DRC1: variants seen among roughly 807,000 people sequenced by gnomAD.
DRC1 encodes dynein regulatory complex protein 1.
Under a neutral mutation model 98.7 loss-of-function variants are expected in DRC1, and 74 were observed. The observed-to-expected ratio is 0.75, with a 90% CI of 0.62 to 0.91. The LOEUF (loss-of-function observed/expected upper bound fraction) is 0.91. DRC1 is among the 40% of genes least tolerant of loss of function. DRC1 has a pLI of 0.00. For synonymous variants in DRC1, 336 were observed against 334.1 expected (o/e 1.01, Z -0.06); for missense variants, 875 against 886.0 (o/e 0.99, Z 0.16).
At chr2:26,433,018 G>C (rs887481678) in intron 7 of DRC1, among the ~76,000 whole-genome samples, 1 of 152,206 alleles carries the variant, frequency 6.6e-6, no homozygotes, top group African/African-American at 2.4e-5. Flanking sequence ...CTAAGAGCTA[G>C]AACTGTCTAA....
rs368776228 is a variant in DRC1, at chr2:26,428,581, G to T, written c.541-1047G>T. On this transcript the variant is annotated intron_variant, in intron 4 of 16. Coordinates refer to ENST00000288710, the MANE Select transcript of DRC1 (RefSeq NM_145038.5). Reference sequence around the variant, plus strand: ...TGGGAGGCCGAGGCAGGTGGATCACGAGGTCAGGATATCGAGACCATCCTG... The same window carrying T: ...TGGGAGGCCGAGGCAGGTGGATCACTAGGTCAGGATATCGAGACCATCCTG... Among the ~76,000 whole-genome samples, 7 of 152,226 alleles carry T rather than the reference G, an allele frequency of 4.6e-5. No individual in the cohort carries two copies. The South Asian group carries it at 1.5e-3, about 32-fold the overall frequency.
At chr2:26,408,975 C>T (rs886401755) in intron 1 of DRC1, among the ~76,000 whole-genome samples, 4 of 151,964 alleles carry the variant, frequency 2.6e-5, no homozygotes, top group Non-Finnish European at 5.9e-5. Context: ...CTCCATTGCC[C>T]AGGCTGGAGT....
At position 26,440,371 on chromosome 2, in the gene DRC1, A is replaced by G. The variant is rs766148507; in HGVS notation, c.889-7A>G. On this transcript the variant is annotated splice_region_variant and splice_polypyrimidine_tract_variant and intron_variant, in intron 7 of 16. Coordinates refer to ENST00000288710, the MANE Select transcript of DRC1 (RefSeq NM_145038.5). ...TATATATATATATATAGTTTTTTTA[A>G]CTTTAGATTCTTGAGCAGCAGCTTC... 6.3e-7 allele frequency: 1 copy of G among 1,588,140 alleles called. No individual in the cohort carries two copies. Among genetic ancestry groups the G allele is most frequent in the Non-Finnish European group, 8.6e-7 (1 of 1,167,796 alleles).
At chr2:26,433,648 G>A (rs1383387348) in intron 7 of DRC1, among the ~76,000 whole-genome samples, 2 of 152,318 alleles carry the variant, frequency 1.3e-5, no homozygotes, top group South Asian at 4.1e-4. Flanking sequence ...TTAATCCAAT[G>A]TCCAAATATT....
Position 26,444,788 on chromosome 2 carries a change from A to G in DRC1, c.1236A>G (p.Leu412=). The change falls in exon 10 of 17, where the codon CTA becomes CTG. Residue 412 remains leucine, a synonymous_variant. Transcript: ENST00000288710. ...TGAATGAAGAGGAGGCGAAGGACCTAATAGCCAGAGCCTTTGATGTGGACA... is the reference window on the plus strand; with the variant it reads ...TGAATGAAGAGGAGGCGAAGGACCTGATAGCCAGAGCCTTTGATGTGGACA... ...WLMNEEEAKD[L]IARAFDVDRI... 6.2e-7 allele frequency: 1 copy of G among 1,614,192 alleles called. No individual in the cohort carries two copies.
intron 2 of DRC1, among the ~76,000 whole-genome samples, chr2:26,420,153 G>A (rs1296268210): frequency 6.6e-6 from 1 of 152,076 alleles, no homozygotes; most frequent in Non-Finnish European, 1.5e-5. Flanking sequence ...TGGGAGAAGG[G>A]GCAGAAGTGG....
In DRC1 at chr2:26,439,936, T is replaced by TATATATATAC. The variant is rs548209014; in HGVS notation, c.889-441_889-440insTATATATACA. Among the ~76,000 whole-genome samples, 36 of 75,506 alleles carry TATATATATAC rather than the reference T, an allele frequency of 4.8e-4. 2 individuals are homozygous for TATATATATAC. The highest frequency in any genetic ancestry group is 1.2e-3 in the African/African-American group (27 of 23,058). The allele number at this position is 75,506 out of a possible 152,430, so 49.5% of individuals were successfully genotyped here. On this transcript the variant is annotated intron_variant, in intron 7 of 16. Transcript: ENST00000288710. ...ACTAGTGTGTGAATATATATATATA[T>TATATATATAC]ACACACACACATACACACACACACA...
intron 10 of DRC1, among the ~76,000 whole-genome samples, chr2:26,445,531 A>G (rs1426939030): frequency 6.6e-6 from 1 of 152,202 alleles, no homozygotes; most frequent in Admixed American, 6.5e-5. Context: ...AGTTTAAACA[A>G]ATTTGATGTA....
intron 7 of DRC1, among the ~76,000 whole-genome samples, chr2:26,434,518 C>T (rs143454004): frequency 2.6e-5 from 4 of 152,306 alleles, no homozygotes; most frequent in African/African-American, 9.6e-5. Context: ...TTTATTTACA[C>T]TATATTAATT....
chr2:26,420,455 C>T (rs1034953484), intron 2 of DRC1, among the ~76,000 whole-genome samples: 8 of 152,116 alleles, frequency 5.3e-5, no homozygotes, highest in African/African-American at 1.2e-4. Flanking sequence ...TGAGGTTCTT[C>T]GAAAGGCTCC....
intron 8 of DRC1, among the ~76,000 whole-genome samples, chr2:26,443,014 C>T (rs1321702318): frequency 6.6e-6 from 1 of 152,174 alleles, no homozygotes; most frequent in South Asian, 2.1e-4. Context: ...TACATCTGTG[C>T]TTGGAAAGCC....
intron 14 of DRC1, 94 bp downstream of exon 14, chr2:26,453,643 C>A: frequency 7.7e-7 from 1 of 1,295,768 alleles, no homozygotes; most frequent in Non-Finnish European, 1.1e-6. Context: ...GGAGAAGAGT[C>A]TGCTGGGCAA....
In DRC1 at chr2:26,450,626, A is replaced by C; in HGVS notation, c.1634A>C (p.Lys545Thr). ...LGIESEDDLY[K>T]LVNFFLKYRA... ...ATTGAAAGTGAGGATGACTTGTATA[A>C]ACTGGTGAACTTCTTCCTTAAATAT... is the stretch of plus-strand genomic sequence containing the variant. Residue 545 changes from lysine (K) to threonine (T), a missense_variant, in exon 13 of 17, where the codon AAA (lysine) becomes ACA (threonine). By Grantham distance (78) the Lys-to-Thr change is moderately conservative. Transcript: ENST00000288710. 1 of 1,611,540 alleles carries C rather than the reference A, an allele frequency of 6.2e-7. No homozygotes were observed. Among genetic ancestry groups the C allele is most frequent in the Non-Finnish European group, 8.5e-7 (1 of 1,178,754 alleles).
intron 6 of DRC1, 82 bp downstream of exon 6, chr2:26,430,954 C>CTT: frequency 4.2e-5 from 18 of 424,442 alleles, no homozygotes; most frequent in South Asian, 7.5e-5. Flanking sequence ...TAGCCTTTTT[C>CTT]TATCTTTTTT....
Position 26,421,388 on chromosome 2 carries a change from T to A in DRC1, c.344T>A (p.Ile115Lys). Reference sequence around the variant, plus strand: ...CACAGGAGAGTCGAAGAAGAGGAGATAAAGCGTCAAAGGTAAGGACTGTGC... The same window carrying A: ...CACAGGAGAGTCGAAGAAGAGGAGAAAAAGCGTCAAAGGTAAGGACTGTGC... ...EIHRRVEEEE[I>K]KRQRIEKLEN... The change falls in exon 3 of 17, where the codon ATA becomes AAA. Residue 115 changes from isoleucine to lysine, a missense_variant. Coordinates refer to ENST00000288710, the MANE Select transcript of DRC1 (RefSeq NM_145038.5). 1 of 1,612,950 alleles carries A rather than the reference T, an allele frequency of 6.2e-7. No individual in the cohort carries two copies. The highest frequency in any genetic ancestry group is 8.5e-7 in the Non-Finnish European group (1 of 1,179,316).
In DRC1 at chr2:26,402,011, G is replaced by C. The variant is rs1181315921; in HGVS notation, c.22G>C (p.Glu8Gln). 1.2e-6 allele frequency: 2 copies of C among 1,609,592 alleles called. No homozygotes were observed. Among genetic ancestry groups the C allele is most frequent in the African/African-American group, 2.7e-5 (2 of 74,872 alleles). Residue 8 changes from glutamate (E) to glutamine (Q), a missense_variant, in exon 1 of 17, where the codon GAG (glutamate) becomes CAG (glutamine). By Grantham distance (29) the Glu-to-Gln change is conservative (BLOSUM62 2). Transcript: ENST00000288710. The stretch of plus-strand genomic sequence containing the variant: ...TGCCATGAATCCGCCGGGGTCCCTA[G>C]AGGCCCTGGACCCGAACGTGGACGA... MNPPGSL[E>Q]ALDPNVDEHL... is the part of the protein sequence containing the mutation.
chr2:26,447,581 CT>C (rs1663890244), intron 10 of DRC1, among the ~76,000 whole-genome samples: 2 of 151,428 alleles, frequency 1.3e-5, no homozygotes. Flanking sequence ...TTATTTTTGT[CT>C]TTTTGAGACA....
At chr2:26,455,787 C>G (rs1447304474) in intron 16 of DRC1, among the ~76,000 whole-genome samples, 1 of 152,244 alleles carries the variant, frequency 6.6e-6, no homozygotes, top group Non-Finnish European at 1.5e-5. Context: ...CCCATCTGTG[C>G]CCAACCCTGC....
chr2:26,447,282 G>A (rs1025413270), intron 10 of DRC1, among the ~76,000 whole-genome samples: 4 of 151,382 alleles, frequency 2.6e-5, no homozygotes, highest in Admixed American at 2.0e-4. Flanking sequence ...GCATGGTGGC[G>A]CGCGGCTGTA....
Sources: allele counts gnomAD v4.1 joint callset (sites outside exome capture counted in the v4.1 genomes callset), GRCh38; gene constraint gnomAD v4.1.1; transcripts MANE v1.5; gene names NCBI Gene and HGNC (gene_info 2026-07-23, HGNC 2026-07-21).